Variants in PDE6G observed in about 807,000 individuals in gnomAD.
PDE6G encodes phosphodiesterase 6G, also known as rod cGMP 3',5'-cyclic phosphodiesterase subunit gamma.
In PDE6G, 10 loss-of-function variants were observed where a neutral mutation model predicts 10.9. The observed-to-expected ratio is 0.91, with a 90% CI of 0.56 to 1.55. The LOEUF (loss-of-function observed/expected upper bound fraction) is 1.55, where lower values mean the gene tolerates loss of function less well. Among genes scored for constraint, PDE6G ranks in the 40% most tolerant of loss-of-function variants. The pLI, the probability that PDE6G is intolerant of heterozygous loss-of-function variation, is 0.00. For synonymous variants in PDE6G, 41 were observed against 42.8 expected (o/e 0.96, Z 0.16); for missense variants, 102 against 110.1 (o/e 0.93, Z 0.33).
rs987397663 is a variant in PDE6G at position 81,653,104 on chromosome 17, G to T, written c.146+56C>A. 3 of 1,588,514 alleles carry T rather than the reference G, an allele frequency of 1.9e-6. No homozygotes were observed. The highest frequency in any genetic ancestry group is 2.6e-6 in the Non-Finnish European group (3 of 1,158,962). On this transcript the variant is annotated intron_variant, in intron 2 of 3. Coordinates refer to ENST00000331056, the MANE Select transcript of PDE6G (RefSeq NM_002602.4). The surrounding 1 kb of genome is among the most constrained non-coding windows in gnomAD (Gnocchi z 5.2). ...CTCTGCCCCGCCCTCCCCTTCCTGT[G>T]CAGCCTCAGGACCGCCTCCTCCCTT...
rs1022302640 is a variant in PDE6G at position 81,653,432 on chromosome 17, C to T, written c.-59-68G>A. On this transcript the variant is annotated intron_variant, in intron 1 of 3. Transcript: ENST00000331056. The surrounding 1 kb of genome is among the most constrained non-coding windows in gnomAD (Gnocchi z 5.2). ...TCCAACCCTTGTGGGGGTCTCAACC[C>T]ACCGGTGGAGGGGCTGAGACCCAGC... 4.4e-6 allele frequency: 5 copies of T among 1,133,536 alleles called. No individual in the cohort carries two copies. In the East Asian group the frequency reaches 1.0e-4, roughly 23 times the overall value. The allele number at this position is 1,133,536 out of a possible 1,614,324, so 70.2% of individuals were successfully genotyped here.
chr17:81,656,770 G>A (rs2036452804), upstream of PDE6G: 1 of 626,956 alleles, frequency 1.6e-6, no homozygotes, highest in Admixed American at 2.4e-5. Flanking sequence ...GGCTCCTGCA[G>A]CTGCCCATCT....
At chr17:81,662,749 A>C (rs1473763775) in intron 1 of PDE6G, among the ~76,000 whole-genome samples, 1 of 152,208 alleles carries the variant, frequency 6.6e-6, no homozygotes, top group Non-Finnish European at 1.5e-5. Context: ...CTGCAATCCC[A>C]GCACTTTACA....
Position 81,653,088 on chromosome 17 carries a change from G to A in PDE6G, c.146+72C>T, listed in dbSNP as rs111985853. On this transcript the variant is annotated intron_variant, in intron 2 of 3. Coordinates refer to ENST00000331056, the MANE Select transcript of PDE6G (RefSeq NM_002602.4). The surrounding 1 kb of genome is among the most constrained non-coding windows in gnomAD (Gnocchi z 5.2). ...GTGAAGTGGCCCCAGGCTCTGCCCC[G>A]CCCTCCCCTTCCTGTGCAGCCTCAG... 2.1e-5 allele frequency: 26 copies of A among 1,230,192 alleles called. No individual in the cohort carries two copies. Among genetic ancestry groups the A allele is most frequent in the African/African-American group, 6.2e-5 (4 of 64,636 alleles). 76.2% of individuals were successfully genotyped at this position (1,230,192 alleles called of 1,614,324 possible). A position where few individuals can be genotyped will look rare whatever the true frequency, so the allele number is the denominator to read the frequency against.
upstream of PDE6G, chr17:81,656,979 A>ACCCC (rs71166164): frequency 9.2e-6 from 2 of 216,388 alleles, no homozygotes; most frequent in African/African-American, 5.0e-5. Context: ...CCAAACAAGG[A>ACCCC]CCCCCCCCCG....
chr17:81,654,317 A>G (rs2036413783), intron 1 of PDE6G, among the ~76,000 whole-genome samples: 1 of 150,170 alleles, frequency 6.7e-6, no homozygotes, highest in Admixed American at 6.6e-5. Context: ...GCTTCTCATC[A>G]CGCGTCGAGT....
upstream of PDE6G, among the ~76,000 whole-genome samples, chr17:81,660,652 C>T (rs542893848): frequency 2.6e-4 from 39 of 152,232 alleles, no homozygotes; most frequent in Admixed American, 1.3e-3. Flanking sequence ...CCACCACACC[C>T]GGCTAATTTT....
upstream of PDE6G, among the ~76,000 whole-genome samples, chr17:81,659,369 T>C (rs34982711): frequency 0.087 from 13,278 of 151,856 alleles, 834 homozygotes; most frequent in East Asian, 0.22. Context: ...GAGGACGAGG[T>C]GGCTGGACCA....
chr17:81,654,917 TA>T (rs1280377938), intron 1 of PDE6G, among the ~76,000 whole-genome samples: 5 of 151,680 alleles, frequency 3.3e-5, no homozygotes, highest in Admixed American at 2.0e-4. Flanking sequence ...CCGGCTAATT[TA>T]TTTTTTTTTT....
At position 81,650,810 on chromosome 17, in the gene PDE6G, C is replaced by G. The variant is rs988400142; in HGVS notation, c.*264G>C. On this transcript the variant is annotated 3_prime_UTR_variant, in exon 4 of 4. Coordinates refer to ENST00000331056, the MANE Select transcript of PDE6G (RefSeq NM_002602.4). ...CTGGGAGTGGAGACCGACCAAGCCT[C>G]TCTGTGGGCAGGACTGAGGGGTGGG... 3 of 569,186 alleles carry G rather than the reference C, an allele frequency of 5.3e-6. No individual in the cohort carries two copies. The African/African-American group carries it at 5.6e-5, about 11-fold the overall frequency. The allele number at this position is 569,186 out of a possible 1,614,324, so 35.3% of individuals were successfully genotyped here.
rs1366205062 is a variant in PDE6G, at chr17:81,650,735, C to T, written c.*339G>A. On this transcript the variant is annotated 3_prime_UTR_variant, in exon 4 of 4. Transcript: ENST00000331056. ...TAGCTTTCCAGCTGGGAGGAGGGGACGATCTGGGGTCCAGCAGGCTCCCGG... is the reference window on the plus strand; with the variant it reads ...TAGCTTTCCAGCTGGGAGGAGGGGATGATCTGGGGTCCAGCAGGCTCCCGG... 3 of 465,094 alleles carry T rather than the reference C, an allele frequency of 6.5e-6. No individual in the cohort carries two copies. Among genetic ancestry groups the T allele is most frequent in the South Asian group, 1.6e-5 (1 of 63,468 alleles). The allele number at this position is 465,094 out of a possible 1,614,324, so 28.8% of individuals were successfully genotyped here.
Position 81,653,875 on chromosome 17 carries a change from A to G in PDE6G, c.-59-511T>C, listed in dbSNP as rs895612191. Among the ~76,000 whole-genome samples, 2 of 151,978 alleles carry G rather than the reference A, an allele frequency of 1.3e-5. No homozygotes were observed. The highest frequency in any genetic ancestry group is 2.9e-5 in the Non-Finnish European group (2 of 67,992). ...GCCTGGGCTGGAGTGCAGTGGCACT[A>G]TCTCGGCTCACTGCAACCTCCGCCT... On this transcript the variant is annotated intron_variant, in intron 1 of 3. Coordinates refer to ENST00000331056, the MANE Select transcript of PDE6G (RefSeq NM_002602.4). This position sits in a 1 kb window ranked among gnomAD's most constrained non-coding sequence, Gnocchi z 5.2.
At chr17:81,661,532 T>C (rs1261647548), upstream of PDE6G, among the ~76,000 whole-genome samples, 1 of 151,424 alleles carries the variant, frequency 6.6e-6, no homozygotes, top group Non-Finnish European at 1.5e-5. Context: ...GCCTGGCCAA[T>C]ATGGTGAAAC....
chr17:81,653,040 G>C lies in PDE6G; in HGVS notation c.146+120C>G, dbSNP rs951266724. On this transcript the variant is annotated intron_variant, in intron 2 of 3. Transcript: ENST00000331056. This position sits in a 1 kb window ranked among gnomAD's most constrained non-coding sequence, Gnocchi z 5.2. Reference sequence around the variant, plus strand: ...AGGCACCGCCCTACCTTCCCCAGCTGTGAGGCTGGGACCACTCACCCAGTG... The same window carrying C: ...AGGCACCGCCCTACCTTCCCCAGCTCTGAGGCTGGGACCACTCACCCAGTG... 2 of 1,180,592 alleles carry C rather than the reference G, an allele frequency of 1.7e-6. No individual in the cohort carries two copies. The highest frequency in any genetic ancestry group is 3.0e-5 in the African/African-American group (2 of 66,336). 73.1% of individuals were successfully genotyped at this position (1,180,592 alleles called of 1,614,324 possible).
intron 1 of PDE6G, among the ~76,000 whole-genome samples, chr17:81,654,892 C>T (rs530053589): frequency 2.0e-5 from 3 of 152,030 alleles, no homozygotes; most frequent in East Asian, 1.9e-4. Flanking sequence ...GGACTACAGG[C>T]GCCCGACACC....
In PDE6G at chr17:81,651,524, G is replaced by T; in HGVS notation, c.187+121C>A. The stretch of plus-strand genomic sequence containing the variant: ...GGGAAGAAGTGATGGACAGGCTGGG[G>T]GTCCCTAAGTGAAAAGCAGGGGAGG... On this transcript the variant is annotated intron_variant, in intron 3 of 3. Coordinates refer to ENST00000331056, the MANE Select transcript of PDE6G (RefSeq NM_002602.4). The surrounding 1 kb of genome is among the most constrained non-coding windows in gnomAD (Gnocchi z 4.8). 1.2e-6 allele frequency: 1 copy of T among 835,910 alleles called. No homozygotes were observed. The highest frequency in any genetic ancestry group is 2.0e-6 in the Non-Finnish European group (1 of 488,862). 51.8% of individuals were successfully genotyped at this position (835,910 alleles called of 1,614,324 possible).
At position 81,650,800 on chromosome 17, in the gene PDE6G, G is replaced by C. The variant is rs1126818; in HGVS notation, c.*274C>G. 1 of 549,794 alleles carries C rather than the reference G, an allele frequency of 1.8e-6. No homozygotes were observed. Among genetic ancestry groups the C allele is most frequent in the South Asian group, 1.5e-5 (1 of 65,178 alleles). The allele number at this position is 549,794 out of a possible 1,614,324, so 34.1% of individuals were successfully genotyped here. A position where few individuals can be genotyped will look rare whatever the true frequency, so the allele number is the denominator to read the frequency against. On this transcript the variant is annotated 3_prime_UTR_variant, in exon 4 of 4. Coordinates refer to ENST00000331056, the MANE Select transcript of PDE6G (RefSeq NM_002602.4). ...CCCGTTCTCCCTGGGAGTGGAGACC[G>C]ACCAAGCCTCTCTGTGGGCAGGACT... is the stretch of plus-strand genomic sequence containing the variant.
upstream of PDE6G, among the ~76,000 whole-genome samples, chr17:81,659,151 C>CTT (rs779928637): frequency 0.15 from 17,298 of 114,538 alleles, 1,695 homozygotes; most frequent in Admixed American, 0.24. Flanking sequence ...CAATCCATAT[C>CTT]TTTTTTTTTT....
chr17:81,651,545 G>T lies in PDE6G; in HGVS notation c.187+100C>A. 1.9e-6 allele frequency: 2 copies of T among 1,047,106 alleles called. No homozygotes were observed. The highest frequency in any genetic ancestry group is 3.0e-6 in the Non-Finnish European group (2 of 669,264). The allele number at this position is 1,047,106 out of a possible 1,614,324, so 64.9% of individuals were successfully genotyped here. On this transcript the variant is annotated intron_variant, in intron 3 of 3. Coordinates refer to ENST00000331056, the MANE Select transcript of PDE6G (RefSeq NM_002602.4). The surrounding 1 kb of genome is among the most constrained non-coding windows in gnomAD (Gnocchi z 4.8). Reference sequence around the variant, plus strand: ...TGGGGGTCCCTAAGTGAAAAGCAGGGGAGGTGGGGGCCGAGGTGGGCTGCA... The same window carrying T: ...TGGGGGTCCCTAAGTGAAAAGCAGGTGAGGTGGGGGCCGAGGTGGGCTGCA...
Sources: allele counts gnomAD v4.1 joint callset (sites outside exome capture counted in the v4.1 genomes callset), GRCh38; gene constraint gnomAD v4.1.1; non-coding constraint Gnocchi (gnomAD v3.1); transcripts MANE v1.5; gene names NCBI Gene and HGNC (gene_info 2026-07-23, HGNC 2026-07-21).